The following BICRAL variants were observed in gnomAD, a reference collection of about 807,000 sequenced individuals.
The protein encoded by BICRAL is BRD4-interacting chromatin-remodeling complex-associated protein-like.
Under a neutral mutation model 91.8 loss-of-function variants are expected in BICRAL, and 8 were observed. The observed-to-expected ratio is 0.09, with a 90% CI of 0.05 to 0.16. The LOEUF is 0.16. Among genes scored for constraint, BICRAL ranks in the 10% least tolerant of loss-of-function variants. BICRAL has a pLI of 1.00. For synonymous variants in BICRAL, 445 were observed against 491.1 expected (o/e 0.91, Z 1.24); for missense variants, 1,038 against 1,310.9 (o/e 0.79, Z 3.21).
chr6:42,828,849 T>C lies in BICRAL; in HGVS notation c.516T>C (p.Pro172=), dbSNP rs1764381934. 6.2e-7 allele frequency: 1 copy of C among 1,614,118 alleles called. No individual in the cohort carries two copies. Among genetic ancestry groups the C allele is most frequent in the African/African-American group, 1.3e-5 (1 of 74,940 alleles). The change falls in exon 6 of 13, where the codon CCT becomes CCC. Residue 172 remains proline (P), a synonymous_variant. Transcript: ENST00000314073. ...AGCCTATAGGGGTGACGCATGTGCC[T>C]GTTGGAGCATCGTTTGCAAGCAATA... ...TLQPIGVTHV[P]VGASFASNTV...
At chr6:42,825,408 C>CA (rs1270150665) in intron 5 of BICRAL, among the ~76,000 whole-genome samples, 4 of 147,372 alleles carry the variant, frequency 2.7e-5, no homozygotes, top group African/African-American at 1.0e-4. Flanking sequence ...ACTAAAAATA[C>CA]AAAAAAATTA....
chr6:42,844,490 C>T (rs545109778), intron 6 of BICRAL, among the ~76,000 whole-genome samples: 2 of 100,206 alleles, frequency 2.0e-5, no homozygotes, highest in Admixed American at 1.7e-4. Context: ...GCGTGGGCTA[C>T]AGAGCAAGAC....
At chr6:42,793,678 T>A (rs930554977) in intron 1 of BICRAL, among the ~76,000 whole-genome samples, 1 of 152,064 alleles carries the variant, frequency 6.6e-6, no homozygotes, top group African/African-American at 2.4e-5. Context: ...AGTCAACCCC[T>A]TTTCTCTAGG....
chr6:42,821,581 T>G (rs1212877161), intron 2 of BICRAL, among the ~76,000 whole-genome samples: 1 of 152,228 alleles, frequency 6.6e-6, no homozygotes, highest in Non-Finnish European at 1.5e-5. Context: ...GCAAAAAATG[T>G]AGGTTGCTCA....
chr6:42,771,784 G>A (rs1398415073), intron 1 of BICRAL, among the ~76,000 whole-genome samples: 4 of 152,036 alleles, frequency 2.6e-5, no homozygotes, highest in African/African-American at 9.7e-5. Flanking sequence ...TCAGCCTCTT[G>A]GGAGGCTGAG....
intron 1 of BICRAL, among the ~76,000 whole-genome samples, chr6:42,788,218 C>T (rs1041803964): frequency 1.5e-5 from 2 of 136,948 alleles, no homozygotes; most frequent in Non-Finnish European, 3.1e-5. Context: ...AAGGGAGCAG[C>T]ATTCTTTTTT....
Position 42,868,079 on chromosome 6 carries a change from T to C in BICRAL, c.*2633T>C, listed in dbSNP as rs562828765. ...TAACAAAAATCATTTTCTTTTTTTTTTTTTTTTTCTGTTGTGGAAAAGCGT... is the reference window on the plus strand; with the variant it reads ...TAACAAAAATCATTTTCTTTTTTTTCTTTTTTTTCTGTTGTGGAAAAGCGT... On this transcript the variant is annotated 3_prime_UTR_variant, in exon 13 of 13. Coordinates refer to ENST00000314073, the MANE Select transcript of BICRAL (RefSeq NM_001393499.1). The C allele has an allele frequency of 6.6e-6, 1 of 152,432 alleles. No individual in the cohort carries two copies. Among genetic ancestry groups the C allele is most frequent in the East Asian group, 1.9e-4 (1 of 5,188 alleles). 9.4% of individuals were successfully genotyped at this position (152,432 alleles called of 1,614,324 possible). A position where few individuals can be genotyped will look rare whatever the true frequency, so the allele number is the denominator to read the frequency against.
At chr6:42,781,827 A>G (rs534656626), upstream of BICRAL, 86 of 149,120 alleles carry the variant, frequency 5.8e-4, no homozygotes, top group African/African-American at 2.0e-3. Context: ...TAATCTCCAC[A>G]TTTTTTGCCA....
chr6:42,855,687 A>G (rs1382914323), intron 8 of BICRAL, among the ~76,000 whole-genome samples, 169 bp from the exon 9 acceptor site: 1 of 149,218 alleles, frequency 6.7e-6, no homozygotes, highest in Non-Finnish European at 1.5e-5. Flanking sequence ...TGTTTCATGG[A>G]CTCTGTGTAC....
At chr6:42,833,906 G>A (rs1313112672) in intron 6 of BICRAL, among the ~76,000 whole-genome samples, 6 of 152,122 alleles carry the variant, frequency 3.9e-5, no homozygotes, top group Non-Finnish European at 7.4e-5. Context: ...CCAGGCTGGA[G>A]TGCAATGGTG....
chr6:42,751,223 C>T (rs1051680101), intron 1 of BICRAL, among the ~76,000 whole-genome samples: 2 of 151,970 alleles, frequency 1.3e-5, no homozygotes, highest in Non-Finnish European at 1.5e-5. Context: ...CCCTCCAACC[C>T]CAAGGTCCTG....
At chr6:42,754,536 CAAT>C (rs1762431196) in intron 1 of BICRAL, among the ~76,000 whole-genome samples, 1 of 152,152 alleles carries the variant, frequency 6.6e-6, no homozygotes, top group East Asian at 1.9e-4. Context: ...TTTTAAGAAA[CAAT>C]AAATACTCTT....
intron 6 of BICRAL, among the ~76,000 whole-genome samples, chr6:42,847,924 T>C (rs1765067295): frequency 6.6e-6 from 1 of 151,892 alleles, no homozygotes; most frequent in South Asian, 2.1e-4. Flanking sequence ...GGTCAGGAAA[T>C]CGAGACCATC....
At chr6:42,789,496 GCCAGGCAT>G (rs1180375289) in intron 1 of BICRAL, among the ~76,000 whole-genome samples, 1 of 151,946 alleles carries the variant, frequency 6.6e-6, no homozygotes, top group Non-Finnish European at 1.5e-5. Flanking sequence ...AAAGAAAATA[GCCAGGCAT>G]GGTGGCACAC....
At chr6:42,798,513 G>A (rs1192145179) in intron 1 of BICRAL, among the ~76,000 whole-genome samples, 3 of 151,926 alleles carry the variant, frequency 2.0e-5, no homozygotes, top group Non-Finnish European at 4.4e-5. Context: ...CCTGGCCAAC[G>A]TGGTGAAACC....
At chr6:42,857,614 A>AAAAAAAAAATATATAT in intron 10 of BICRAL, among the ~76,000 whole-genome samples, 2 of 96,242 alleles carry the variant, frequency 2.1e-5, no homozygotes, top group African/African-American at 1.3e-4. Flanking sequence ...AAAAAAAAAA[A>AAAAAAAAAATATATAT]ATATATATAT....
intron 6 of BICRAL, among the ~76,000 whole-genome samples, chr6:42,844,970 T>TATAATAAA (rs1445073211): frequency 2.6e-5 from 4 of 151,896 alleles, no homozygotes; most frequent in African/African-American, 9.7e-5. Context: ...TTATCTAGCT[T>TATAATAAA]ATAGGTTTGC....
At chr6:42,750,866 C>T (rs1157248490) in intron 1 of BICRAL, among the ~76,000 whole-genome samples, 4 of 147,882 alleles carry the variant, frequency 2.7e-5, no homozygotes, top group Non-Finnish European at 1.5e-5. Flanking sequence ...GCGTGAGCCA[C>T]CGCGCCCGGC....
At chr6:42,797,614 G>T (rs555317817) in intron 1 of BICRAL, among the ~76,000 whole-genome samples, 2 of 152,114 alleles carry the variant, frequency 1.3e-5, no homozygotes, top group Admixed American at 1.3e-4. Context: ...GTGAGATCAT[G>T]CATATAAAGC....
Sources: allele counts gnomAD v4.1 joint callset (sites outside exome capture counted in the v4.1 genomes callset), GRCh38; gene constraint gnomAD v4.1.1; transcripts MANE v1.5; gene names NCBI Gene and HGNC (gene_info 2026-07-23, HGNC 2026-07-21).